The following NACC1 variants were observed in gnomAD, a reference collection of about 807,000 sequenced individuals.
NACC1 encodes the protein nucleus accumbens-associated protein 1.
Under a neutral mutation model 41.7 loss-of-function variants are expected in NACC1, and 6 were observed. The ratio of observed to expected loss-of-function variants is 0.14; its 90% CI spans 0.08 to 0.28. The LOEUF (loss-of-function observed/expected upper bound fraction) is 0.28. Among genes scored for constraint, NACC1 ranks in the 10% least tolerant of loss-of-function variants. The probability of loss-of-function intolerance (pLI) is 1.00; values close to 1 mark genes in which losing one functional copy is unlikely to be tolerated. For synonymous variants in NACC1, 338 were observed against 330.6 expected (o/e 1.02, Z -0.24); for missense variants, 434 against 763.7 (o/e 0.57, Z 5.09).
chr19:13,117,917 A>C (rs965293092), upstream of NACC1, among the ~76,000 whole-genome samples: 1 of 152,202 alleles, frequency 6.6e-6, no homozygotes, highest in Non-Finnish European at 1.5e-5. Flanking sequence ...TGTAGTTTAA[A>C]CGAGCTAATT....
At chr19:13,118,098 G>C (rs2019418053), upstream of NACC1, 1 of 152,092 alleles carries the variant, frequency 6.6e-6, no homozygotes, top group Admixed American at 6.5e-5. Flanking sequence ...TACTGGCGAG[G>C]ATCCCCCAGG....
rs1031543702 is a variant in NACC1, at chr19:13,136,834, G to A, written c.1120+429G>A. Among the ~76,000 whole-genome samples the A allele has an allele frequency of 1.3e-4, 20 of 152,232 alleles. 1 individual carries two copies. Among genetic ancestry groups the A allele is most frequent in the Admixed American group, 9.2e-4 (14 of 15,288 alleles). On this transcript the variant is annotated intron_variant, in intron 3 of 5. Transcript: ENST00000292431. The surrounding 1 kb of genome is among the most constrained non-coding windows in gnomAD (Gnocchi z 5.5). ...GTGGTGGCCACTGCACTCCAGCCTGGGTGACAGAGTGAGACTTCATCTCTT... is the reference window on the plus strand; with the variant it reads ...GTGGTGGCCACTGCACTCCAGCCTGAGTGACAGAGTGAGACTTCATCTCTT...
intron 1 of NACC1, among the ~76,000 whole-genome samples, chr19:13,121,726 G>A (rs972878343): frequency 1.3e-5 from 2 of 152,120 alleles, no homozygotes; most frequent in East Asian, 1.9e-4. Flanking sequence ...GTGAGCCACC[G>A]GGGCTGGAAA....
upstream of NACC1, chr19:13,118,103 C>T (rs1420353911): frequency 6.6e-6 from 1 of 152,086 alleles, no homozygotes; most frequent in Non-Finnish European, 1.5e-5. Context: ...GCGAGGATCC[C>T]CCAGGGGCAT....
chr19:13,138,360 C>T lies in NACC1; in HGVS notation c.1538C>T (p.Ala513Val). The T allele has an allele frequency of 1.2e-6, 2 of 1,613,614 alleles. No homozygotes were observed. The highest frequency in any genetic ancestry group is 1.3e-5 in the African/African-American group (1 of 75,048). Residue 513 changes from alanine to valine, a missense_variant, in exon 6 of 6, where the codon GCC becomes GTC. This residue lies in a region of NACC1 where 63 missense variants were observed against 68.4 expected (regional missense o/e 0.92). Transcript: ENST00000292431. This position sits in a 1 kb window ranked among gnomAD's most constrained non-coding sequence, Gnocchi z 5.7. ...GGTGTGGAGCATGGCTTCGAGACCG[C>T]CAGCCACGAGGGCGAGGCGGGTCCC... ...MMGVEHGFET[A>V]SHEGEAGPSA... is the part of the protein sequence containing the mutation.
rs146491934 is a variant in NACC1 at position 13,135,612 on chromosome 19, G to A, written c.405G>A (p.Ala135=). 96 of 1,585,972 alleles carry A rather than the reference G, an allele frequency of 6.1e-5. No individual in the cohort carries two copies. The highest frequency in any genetic ancestry group is 9.2e-5 in the East Asian group (4 of 43,580). Residue 135 remains alanine (A), a synonymous_variant, in exon 2 of 6, where the codon GCG becomes GCA. Transcript: ENST00000292431. ...SPSCDSQGLH[A]EEAPSSEPQS... ...GCTGCGACTCCCAGGGCCTGCATGC[G>A]GAGGAGGCCCCATCGTCGGAGCCCC... is the stretch of plus-strand genomic sequence containing the variant.
At chr19:13,133,707 C>T (rs2019663456) in intron 1 of NACC1, among the ~76,000 whole-genome samples, 1 of 152,154 alleles carries the variant, frequency 6.6e-6, no homozygotes, top group African/African-American at 2.4e-5. Flanking sequence ...CACCTTTGGG[C>T]TATTGTGAAT....
chr19:13,135,041 G>C (rs1368747050), intron 1 of NACC1, among the ~76,000 whole-genome samples, 159 bp from the exon 2 acceptor site: 3 of 152,370 alleles, frequency 2.0e-5, no homozygotes, highest in Non-Finnish European at 2.9e-5. Context: ...AGATAGGGTA[G>C]AGGGCTCTGT....
intron 1 of NACC1, among the ~76,000 whole-genome samples, chr19:13,134,917 A>AAAT (rs1029537801): frequency 1.3e-5 from 2 of 152,194 alleles, no homozygotes; most frequent in Non-Finnish European, 2.9e-5. Context: ...AGTACATATG[A>AAAT]ATAAGTATGC....
intron 1 of NACC1, among the ~76,000 whole-genome samples, chr19:13,119,336 C>T (rs1293087609): frequency 6.6e-6 from 1 of 152,102 alleles, no homozygotes; most frequent in African/African-American, 2.4e-5. Flanking sequence ...AAGCCTCTGC[C>T]AACTGTTCAA....
rs778137244 is a variant in NACC1 at position 13,136,152 on chromosome 19, A to G, written c.945A>G (p.Thr315=). The part of the protein sequence containing the change: ...TMYSMMNVGQ[T]AEKVEALPEQ... ...ACAGCATGATGAACGTCGGCCAGACAGGTGAGGTGCCGTCCTGTCCCCCAT... is the reference window on the plus strand; with the variant it reads ...ACAGCATGATGAACGTCGGCCAGACGGGTGAGGTGCCGTCCTGTCCCCCAT... The change falls in exon 2 of 6, where the codon ACA becomes ACG. Residue 315 remains threonine, a splice_region_variant and synonymous_variant. Coordinates refer to ENST00000292431, the MANE Select transcript of NACC1 (RefSeq NM_052876.4). The surrounding 1 kb of genome is among the most constrained non-coding windows in gnomAD (Gnocchi z 5.5). 1 of 1,610,292 alleles carries G rather than the reference A, an allele frequency of 6.2e-7. No individual in the cohort carries two copies.
intron 1 of NACC1, among the ~76,000 whole-genome samples, chr19:13,126,409 A>G (rs1007891152): frequency 6.6e-5 from 10 of 152,174 alleles, no homozygotes; most frequent in African/African-American, 2.4e-5. Flanking sequence ...AATTTTGGGA[A>G]GAGGCAAACA....
In NACC1 at chr19:13,135,862, C is replaced by G; in HGVS notation, c.655C>G (p.Pro219Ala). The stretch of plus-strand genomic sequence containing the variant: ...CCTGGCTGCCAACCGGCCTCACCAG[C>G]CCCCGCCACCCCAACAGGCTCCGGT... ...PDLAANRPHQ[P>A]PPPQQAPVVA... Residue 219 changes from proline to alanine, a missense_variant, in exon 2 of 6, where the codon CCC (proline) becomes GCC (alanine). Physicochemically the swap from Pro to Ala is conservative, Grantham distance 27 (BLOSUM62 -1). Transcript: ENST00000292431. The G allele has an allele frequency of 6.4e-7, 1 of 1,554,294 alleles. No homozygotes were observed. The highest frequency in any genetic ancestry group is 8.7e-7 in the Non-Finnish European group (1 of 1,152,018).
At chr19:13,131,495 T>A (rs1034894860) in intron 1 of NACC1, 1 of 152,232 alleles carries the variant, frequency 6.6e-6, no homozygotes, top group Non-Finnish European at 1.5e-5. Flanking sequence ...CTGGGCTCTG[T>A]CCTTTGCCCC....
chr19:13,129,748 G>A (rs2019608878), intron 1 of NACC1, among the ~76,000 whole-genome samples: 1 of 152,160 alleles, frequency 6.6e-6, no homozygotes, highest in South Asian at 2.1e-4. Context: ...AGGTATGGGG[G>A]ACCTCAGTCT....
intron 1 of NACC1, among the ~76,000 whole-genome samples, chr19:13,125,391 A>C (rs967317330): frequency 1.3e-5 from 2 of 149,438 alleles, no homozygotes; most frequent in Non-Finnish European, 3.0e-5. Context: ...CTCCTGACTG[A>C]ATCAACTCCC....
Position 13,124,013 on chromosome 19 carries a change from T to TA in NACC1, c.-9+5560dup, listed in dbSNP as rs1599984364. On this transcript the variant is annotated intron_variant, in intron 1 of 5. Coordinates refer to ENST00000292431, the MANE Select transcript of NACC1 (RefSeq NM_052876.4). The stretch of plus-strand genomic sequence containing the variant: ...ATGGGCCCAGTCAGTGAGGCTTGAG[T>TA]AGGGGACACTGTTACTAATCCTATT... 2.6e-5 allele frequency among the ~76,000 whole-genome samples: 4 copies of TA among 152,220 alleles called. No homozygotes were observed. In the East Asian group the frequency reaches 7.7e-4, roughly 29 times the overall value.
At chr19:13,129,953 C>G (rs1022071308) in intron 1 of NACC1, among the ~76,000 whole-genome samples, 1 of 151,336 alleles carries the variant, frequency 6.6e-6, no homozygotes, top group Admixed American at 6.6e-5. Flanking sequence ...GTGCTGGGTG[C>G]TTGGTAAGGT....
At chr19:13,117,563 CTT>C (rs34010451), upstream of NACC1, 18 of 134,974 alleles carry the variant, frequency 1.3e-4, no homozygotes, top group East Asian at 4.1e-4. Context: ...TTCTTTCTTT[CTT>C]TTTTTTTTTT....
Sources: gnomAD v4.1 joint callset for allele counts (sites outside exome capture counted in the v4.1 genomes callset) on GRCh38, gnomAD v4.1.1 for gene constraint, gnomAD v4.1.1 regional missense constraint, Gnocchi (gnomAD v3.1) non-coding constraint, MANE v1.5 for transcripts, NCBI Gene and HGNC (gene_info 2026-07-23, HGNC 2026-07-21) for gene names.